TAFA1: variants seen among roughly 807,000 people sequenced by gnomAD.
The protein encoded by TAFA1 is chemokine-like protein TAFA-1.
Under a neutral mutation model 18.5 loss-of-function variants are expected in TAFA1, and 4 were observed. The ratio of observed to expected loss-of-function variants is 0.22; its 90% confidence interval spans 0.11 to 0.49. The LOEUF (loss-of-function observed/expected upper bound fraction) is 0.49, where lower values mean the gene tolerates loss of function less well. Among genes scored for constraint, TAFA1 ranks in the 20% least tolerant of loss-of-function variants. TAFA1 has a pLI of 0.98. For missense variants in TAFA1, 147 were observed against 169.0 expected (o/e 0.87, Z 0.72); for synonymous variants, 56 against 55.2 (o/e 1.01, Z -0.06).
intron 2 of TAFA1, among the ~76,000 whole-genome samples, chr3:68,212,830 G>A (rs909131019): frequency 2.6e-5 from 4 of 151,974 alleles, no homozygotes; most frequent in African/African-American, 9.7e-5. Context: ...ACCCATGTGC[G>A]ATCTTTACTT....
At chr3:68,321,126 CT>C (rs2068692067) in intron 2 of TAFA1, among the ~76,000 whole-genome samples, 2 of 152,166 alleles carry the variant, frequency 1.3e-5, no homozygotes, top group Admixed American at 6.5e-5. Flanking sequence ...ACTTGAGTAT[CT>C]TTTTCTCTCG....
chr3:68,134,313 C>T (rs1198543506), intron 2 of TAFA1, among the ~76,000 whole-genome samples: 1 of 152,082 alleles, frequency 6.6e-6, no homozygotes, highest in Admixed American at 6.6e-5. Flanking sequence ...GCTCAAGTCA[C>T]ATTCAAATTC....
chr3:68,022,978 T>G (rs1704730075), intron 2 of TAFA1, among the ~76,000 whole-genome samples: 1 of 149,516 alleles, frequency 6.7e-6, no homozygotes, highest in Admixed American at 6.7e-5. Context: ...TTTTTTTTTT[T>G]TTTTTACTTT....
At chr3:68,242,481 G>C (rs1317593201) in intron 2 of TAFA1, among the ~76,000 whole-genome samples, 1 of 152,132 alleles carries the variant, frequency 6.6e-6, no homozygotes, top group Non-Finnish European at 1.5e-5. Flanking sequence ...AGGTTTTACT[G>C]TATATTAAAG....
At chr3:68,058,914 G>A (rs145291593) in intron 2 of TAFA1, among the ~76,000 whole-genome samples, 79 of 152,274 alleles carry the variant, frequency 5.2e-4, no homozygotes, top group African/African-American at 1.9e-3. Context: ...TGTAAATTGG[G>A]AGGTTTCAGG....
intron 2 of TAFA1, among the ~76,000 whole-genome samples, chr3:68,116,626 CA>C: frequency 6.6e-6 from 1 of 152,192 alleles, no homozygotes; most frequent in Non-Finnish European, 1.5e-5. Context: ...ACCCTAGTTT[CA>C]GGTCATCAAA....
chr3:68,341,492 G>C (rs2069082738), intron 2 of TAFA1, among the ~76,000 whole-genome samples: 2 of 152,136 alleles, frequency 1.3e-5, no homozygotes, highest in African/African-American at 4.8e-5. Context: ...TGCAGCTAGA[G>C]GCTGCATGGC....
chr3:68,494,216 C>G (rs528286922), intron 3 of TAFA1, among the ~76,000 whole-genome samples: 1 of 152,310 alleles, frequency 6.6e-6, no homozygotes, highest in Non-Finnish European at 1.5e-5. Flanking sequence ...ATTCTCCTGC[C>G]TCAGCCTCCC....
At chr3:68,458,514 G>A (rs1439156681) in intron 3 of TAFA1, among the ~76,000 whole-genome samples, 1 of 152,098 alleles carries the variant, frequency 6.6e-6, no homozygotes, top group African/African-American at 2.4e-5. Context: ...TAATTTCTAA[G>A]AGGGCTCAGG....
intron 2 of TAFA1, among the ~76,000 whole-genome samples, chr3:68,161,925 T>C (rs894091731): frequency 6.6e-6 from 1 of 152,132 alleles, no homozygotes; most frequent in Non-Finnish European, 1.5e-5. Context: ...TTTGCAAACT[T>C]TTTTTTGAAA....
intron 2 of TAFA1, among the ~76,000 whole-genome samples, chr3:68,151,236 C>T (rs532974407): frequency 2.6e-5 from 4 of 152,230 alleles, no homozygotes; most frequent in Admixed American, 2.6e-4. Context: ...AGTTCCATTG[C>T]TTTACTCACT....
chr3:68,248,310 T>C (rs542555955), intron 2 of TAFA1, among the ~76,000 whole-genome samples: 9 of 152,270 alleles, frequency 5.9e-5, no homozygotes, highest in African/African-American at 2.2e-4. Flanking sequence ...CCCAGTTTGG[T>C]TAATACAAAA....
intron 2 of TAFA1, among the ~76,000 whole-genome samples, chr3:68,141,950 C>T (rs911528625): frequency 2.6e-5 from 4 of 152,200 alleles, no homozygotes; most frequent in Non-Finnish European, 4.4e-5. Context: ...GATGTTCTCC[C>T]TCCCAGGTCA....
intron 2 of TAFA1, among the ~76,000 whole-genome samples, chr3:68,137,891 C>T (rs2065626283): frequency 6.6e-6 from 1 of 152,010 alleles, no homozygotes; most frequent in South Asian, 2.1e-4. Context: ...CCATGCCTTG[C>T]TACTCCACAG....
intron 2 of TAFA1, among the ~76,000 whole-genome samples, chr3:68,153,057 G>A (rs556512786): frequency 2.6e-5 from 4 of 152,092 alleles, no homozygotes; most frequent in Non-Finnish European, 5.9e-5. Flanking sequence ...TGGATGTTGG[G>A]CAGACAAATC....
At chr3:68,372,207 G>A (rs2069720492) in intron 2 of TAFA1, among the ~76,000 whole-genome samples, 1 of 152,158 alleles carries the variant, frequency 6.6e-6, no homozygotes, top group Non-Finnish European at 1.5e-5. Context: ...GTAGTTACTG[G>A]TTGGGTTTTG....
At chr3:68,269,679 TG>T (rs2067624257) in intron 2 of TAFA1, among the ~76,000 whole-genome samples, 2 of 152,044 alleles carry the variant, frequency 1.3e-5, no homozygotes, top group African/African-American at 4.8e-5. Flanking sequence ...CCCAGAACTT[TG>T]GGAGGCCAAG....
intron 3 of TAFA1, among the ~76,000 whole-genome samples, chr3:68,447,449 T>C (rs2071489222): frequency 6.6e-6 from 1 of 152,174 alleles, no homozygotes; most frequent in African/African-American, 2.4e-5. Context: ...CCACTATGCA[T>C]CACTTGCTCA....
At chr3:68,186,709 C>T (rs1479832400) in intron 2 of TAFA1, among the ~76,000 whole-genome samples, 1 of 152,044 alleles carries the variant, frequency 6.6e-6, no homozygotes, top group Non-Finnish European at 1.5e-5. Context: ...CCTGGGCTTT[C>T]CTTCCTCCCC....
Sources: allele counts gnomAD v4.1 joint callset (sites outside exome capture counted in the v4.1 genomes callset), GRCh38; gene constraint gnomAD v4.1.1; transcripts MANE v1.5; gene names NCBI Gene and HGNC (gene_info 2026-07-23, HGNC 2026-07-21).